DYNC1I2: variants seen among roughly 807,000 people sequenced by gnomAD.
DYNC1I2 encodes the protein cytoplasmic dynein 1 intermediate chain 2.
DYNC1I2 carries 53 observed loss-of-function variants against 88.6 expected under a neutral mutation model. The ratio of observed to expected loss-of-function variants is 0.60; its 90% CI spans 0.48 to 0.75. The LOEUF (loss-of-function observed/expected upper bound fraction) is 0.75. Among genes scored for constraint, DYNC1I2 ranks in the 30% least tolerant of loss-of-function variants. The pLI, the probability that DYNC1I2 is intolerant of heterozygous loss-of-function variation, is 0.00. For synonymous variants in DYNC1I2, 198 were observed against 254.6 expected, an observed-to-expected ratio of 0.78 and a Z score of 2.12; for missense variants, 458 against 766.6, an observed-to-expected ratio of 0.60 and a Z score of 4.75.
chr2:171,722,822 T>C (rs1687988367), intron 7 of DYNC1I2, among the ~76,000 whole-genome samples: 1 of 152,200 alleles, frequency 6.6e-6, no homozygotes, highest in Non-Finnish European at 1.5e-5. Context: ...TTGAAATTTA[T>C]TTAATCATTT....
chr2:171,724,313 G>A (rs1355624508), intron 7 of DYNC1I2, among the ~76,000 whole-genome samples: 1 of 152,144 alleles, frequency 6.6e-6, no homozygotes, highest in Admixed American at 6.5e-5. Context: ...TGTGTGGTTT[G>A]GCAGCTGGTG....
intron 7 of DYNC1I2, among the ~76,000 whole-genome samples, chr2:171,721,015 G>A (rs1687862151): frequency 6.7e-6 from 1 of 150,266 alleles, no homozygotes; most frequent in Non-Finnish European, 1.5e-5. Flanking sequence ...GACTGGTCAA[G>A]GTGGTGTGCA....
intron 15 of DYNC1I2, among the ~76,000 whole-genome samples, chr2:171,734,338 G>C (rs186626063): frequency 6.6e-6 from 1 of 152,138 alleles, no homozygotes; most frequent in Non-Finnish European, 1.5e-5. Context: ...CAGACTGATT[G>C]ATACTTGCTT....
At position 171,721,463 on chromosome 2, in the gene DYNC1I2, G is replaced by A. The variant is rs990539319; in HGVS notation, c.512-4155G>A. ...AAGAAGATGAAGTGATGGACAAATG[G>A]ATTGAAATAGAGTGATTCAAAATGA... On this transcript the variant is annotated intron_variant, in intron 7 of 17. Coordinates refer to ENST00000397119, the MANE Select transcript of DYNC1I2 (RefSeq NM_001378.3). Among the ~76,000 whole-genome samples the A allele has an allele frequency of 2.0e-5, 3 of 152,148 alleles. No individual in the cohort carries two copies. In the East Asian group the frequency reaches 5.8e-4, roughly 29 times the overall value.
At chr2:171,729,117 TTACAAA>T (rs1213719420) in intron 14 of DYNC1I2, among the ~76,000 whole-genome samples, 3 of 152,174 alleles carry the variant, frequency 2.0e-5, no homozygotes, top group Admixed American at 1.3e-4. Flanking sequence ...CATTCAGTAG[TTACAAA>T]TACAATATGC....
At chr2:171,723,975 G>A (rs1051337304) in intron 7 of DYNC1I2, among the ~76,000 whole-genome samples, 2 of 152,148 alleles carry the variant, frequency 1.3e-5, no homozygotes, top group African/African-American at 4.8e-5. Context: ...AAAAGACAGT[G>A]ATTACTGTTT....
intron 15 of DYNC1I2, among the ~76,000 whole-genome samples, chr2:171,737,787 T>A (rs1479883216): frequency 4.6e-5 from 7 of 151,000 alleles, no homozygotes; most frequent in African/African-American, 1.7e-4. Flanking sequence ...GGCTGCATAT[T>A]CGTCCACTGA....
chr2:171,698,118 T>A (rs1685924432), intron 3 of DYNC1I2, among the ~76,000 whole-genome samples: 1 of 152,248 alleles, frequency 6.6e-6, no homozygotes, highest in Non-Finnish European at 1.5e-5. Flanking sequence ...TTAATTTCTT[T>A]ATCAGCCTTT....
rs1028450485 is a variant in DYNC1I2 at position 171,717,848 on chromosome 2, A to G, written c.511+2405A>G. On this transcript the variant is annotated intron_variant, in intron 7 of 17. Transcript: ENST00000397119. The stretch of plus-strand genomic sequence containing the variant: ...AGATTGTATTTTTAGTTACACTACC[A>G]TACTTACTGGTACAATGCATCTTGG... Among the ~76,000 whole-genome samples, 3 of 152,294 alleles carry G rather than the reference A, an allele frequency of 2.0e-5. No homozygotes were observed. In the South Asian group the frequency reaches 6.2e-4, roughly 32 times the overall value.
chr2:171,704,278 AGAAG>A (rs1686498618), intron 3 of DYNC1I2, among the ~76,000 whole-genome samples: 1 of 150,930 alleles, frequency 6.6e-6, no homozygotes, highest in Admixed American at 6.6e-5. Context: ...GGATAGTTAA[AGAAG>A]TACAGTCTTT....
At chr2:171,740,981 G>C (rs1689383442) in intron 15 of DYNC1I2, among the ~76,000 whole-genome samples, 3 of 152,016 alleles carry the variant, frequency 2.0e-5, no homozygotes. Context: ...CACAGCTCCT[G>C]GAAACCACTA....
Position 171,726,773 on chromosome 2 carries a change from C to T in DYNC1I2, c.871-18C>T, listed in dbSNP as rs367866445. The T allele has an allele frequency of 1.9e-6, 3 of 1,609,772 alleles. No homozygotes were observed. The African/African-American group carries it at 4.0e-5, about 22-fold the overall frequency. ...TATTATGCATAGCATTTCTTTTCTT[C>T]TTGATTCTTCTGAGCAGTATCCGGA... On this transcript the variant is annotated intron_variant, in intron 10 of 17. Coordinates refer to ENST00000397119, the MANE Select transcript of DYNC1I2 (RefSeq NM_001378.3).
intron 15 of DYNC1I2, among the ~76,000 whole-genome samples, chr2:171,733,533 C>G (rs929106509): frequency 1.7e-5 from 2 of 115,596 alleles, no homozygotes; most frequent in African/African-American, 6.7e-5. Context: ...GATGGTATCT[C>G]ATTGTGGTTT....
chr2:171,687,478 C>G lies in DYNC1I2; in HGVS notation c.-159C>G, dbSNP rs1685053230. The G allele has an allele frequency of 6.6e-6, 1 of 152,192 alleles. No individual in the cohort carries two copies. Among genetic ancestry groups the G allele is most frequent in the Non-Finnish European group, 1.5e-5 (1 of 68,046 alleles). The allele number at this position is 152,192 out of a possible 1,614,324, so 9.4% of individuals were successfully genotyped here. On this transcript the variant is annotated 5_prime_UTR_variant, in exon 1 of 18. The change creates a new upstream start codon in the 5' untranslated region. Transcript: ENST00000397119. Reference sequence around the variant, plus strand: ...GCCGGGGTTTGTAGTTCTTCTCGATCGTGTCAGTTTGTAAGGCGAGGGCGG... The same window carrying G: ...GCCGGGGTTTGTAGTTCTTCTCGATGGTGTCAGTTTGTAAGGCGAGGGCGG...
chr2:171,697,664 A>G (rs1172472015), intron 3 of DYNC1I2, among the ~76,000 whole-genome samples: 3 of 150,206 alleles, frequency 2.0e-5, no homozygotes, highest in Non-Finnish European at 4.4e-5. Context: ...CGTGGGCAAC[A>G]TGGCAAGACC....
intron 17 of DYNC1I2, among the ~76,000 whole-genome samples, chr2:171,746,268 A>G (rs929904685): frequency 1.3e-4 from 20 of 152,234 alleles, no homozygotes; most frequent in African/African-American, 4.8e-4. Flanking sequence ...AATAAGATTT[A>G]TTTTTCTGTA....
chr2:171,712,096 C>T (rs1247899985), intron 5 of DYNC1I2, among the ~76,000 whole-genome samples: 1 of 152,088 alleles, frequency 6.6e-6, no homozygotes, highest in African/African-American at 2.4e-5. Context: ...AAATATTTTT[C>T]CAGGGAAAAA....
At chr2:171,690,069 C>A (rs1395997188) in intron 1 of DYNC1I2, 78 bp from the exon 2 acceptor site, 21 of 887,802 alleles carry the variant, frequency 2.4e-5, no homozygotes, top group Non-Finnish European at 3.5e-5. Context: ...TATGGCCTTT[C>A]GGGACAGTTC....
chr2:171,713,847 G>A (rs927496618), intron 6 of DYNC1I2, among the ~76,000 whole-genome samples: 7 of 152,132 alleles, frequency 4.6e-5, no homozygotes, highest in African/African-American at 1.7e-4. Context: ...GCCACACTGA[G>A]GCTTCCCCCT....
Sources: gnomAD v4.1 joint callset for allele counts (sites outside exome capture counted in the v4.1 genomes callset) on GRCh38, gnomAD v4.1.1 for gene constraint, MANE v1.5 for transcripts, NCBI Gene and HGNC (gene_info 2026-07-23, HGNC 2026-07-21) for gene names.